SMARCB1: variants seen among roughly 807,000 people sequenced by gnomAD.
The protein encoded by SMARCB1 is SWI/SNF related BAF chromatin remodeling complex subunit B1.
SMARCB1 carries 5 observed loss-of-function variants against 49.0 expected under a neutral mutation model. The ratio of observed to expected loss-of-function variants is 0.10; its 90% CI spans 0.05 to 0.21. The LOEUF is 0.21. SMARCB1 is among the 10% of genes least tolerant of loss of function. SMARCB1 has a pLI of 1.00. For synonymous variants in SMARCB1, 201 were observed against 200.1 expected, an observed-to-expected ratio of 1.00 and a Z score of -0.04; for missense variants, 226 against 509.2, an observed-to-expected ratio of 0.44 and a Z score of 5.35.
intron 5 of SMARCB1, among the ~76,000 whole-genome samples, chr22:23,811,454 C>T (rs1929865619): frequency 1.3e-5 from 2 of 152,290 alleles, no homozygotes; most frequent in Admixed American, 6.5e-5. Context: ...TTTCAAGTGC[C>T]TGAGCAACAT....
At chr22:23,825,135 G>A in intron 6 of SMARCB1, 90 bp from the exon 7 acceptor site, 1 of 1,055,648 alleles carries the variant, frequency 9.5e-7, no homozygotes. Flanking sequence ...CTGGTGGGCA[G>A]GGCCCACCCC....
chr22:23,804,457 C>T (rs534990291), intron 5 of SMARCB1: 2 of 152,310 alleles, frequency 1.3e-5, no homozygotes, highest in South Asian at 4.1e-4. Context: ...CTGTCAATTC[C>T]ACATGCAAAC....
chr22:23,791,185 A>G (rs949011456), intron 1 of SMARCB1, among the ~76,000 whole-genome samples: 1 of 152,202 alleles, frequency 6.6e-6, no homozygotes, highest in Non-Finnish European at 1.5e-5. Context: ...TATTTGCTAC[A>G]AGCAAACTGA....
chr22:23,787,325 C>T, intron 1 of SMARCB1, 63 bp downstream of exon 1: 13 of 1,051,292 alleles, frequency 1.2e-5, no homozygotes, highest in South Asian at 5.3e-5. Flanking sequence ...GGGGCGGGCC[C>T]ATGCGCCGAG....
In SMARCB1 at chr22:23,836,737, A is replaced by G; in HGVS notation, c.*2557A>G. 7.3e-7 allele frequency: 1 copy of G among 1,369,638 alleles called. No homozygotes were observed. Among genetic ancestry groups the G allele is most frequent in the South Asian group, 2.0e-5 (1 of 51,036 alleles). 84.8% of individuals were successfully genotyped at this position (1,369,638 alleles called of 1,614,324 possible). ...CCAGTGCTGTGGGCCAAGAGACTGC[A>G]GCTCATTCTGTTTATTCAGGTGGGC... On this transcript the variant is annotated 3_prime_UTR_variant, in exon 9 of 9. Coordinates refer to ENST00000644036, the MANE Select transcript of SMARCB1 (RefSeq NM_003073.5).
intron 6 of SMARCB1, among the ~76,000 whole-genome samples, chr22:23,822,489 C>T (rs2030145089): frequency 6.6e-6 from 1 of 152,206 alleles, no homozygotes; most frequent in African/African-American, 2.4e-5. Context: ...GGCTCCCTTC[C>T]TCCCTCCCCG....
At chr22:23,788,852 C>T (rs1462469695) in intron 1 of SMARCB1, among the ~76,000 whole-genome samples, 1 of 151,746 alleles carries the variant, frequency 6.6e-6, no homozygotes, top group Non-Finnish European at 1.5e-5. Flanking sequence ...TAGCATTTTC[C>T]ACCATTTTTT....
At chr22:23,791,036 A>C (rs1399856661) in intron 1 of SMARCB1, among the ~76,000 whole-genome samples, 1 of 152,156 alleles carries the variant, frequency 6.6e-6, no homozygotes, top group South Asian at 2.1e-4. Flanking sequence ...TGGAGCCAGC[A>C]CCTGGCACCC....
intron 5 of SMARCB1, chr22:23,804,108 G>GA (rs1555877331): frequency 6.8e-6 from 1 of 148,096 alleles, no homozygotes; most frequent in Non-Finnish European, 1.5e-5. Context: ...TTGCATACCA[G>GA]TTTTTTTTTT....
chr22:23,801,365 C>T (rs1381751398), intron 4 of SMARCB1: 2 of 683,618 alleles, frequency 2.9e-6, no homozygotes, highest in Admixed American at 4.1e-5. Flanking sequence ...TCTCTGCCCT[C>T]AGTTTCACAT....
chr22:23,790,463 A>C (rs562753243), intron 1 of SMARCB1, among the ~76,000 whole-genome samples: 1 of 152,336 alleles, frequency 6.6e-6, no homozygotes, highest in African/African-American at 2.4e-5. Flanking sequence ...TGGGAGGCCC[A>C]GGCAGGAGAA....
intron 6 of SMARCB1, 133 bp downstream of exon 6, chr22:23,817,069 A>G: frequency 1.4e-6 from 1 of 737,018 alleles, no homozygotes; most frequent in Admixed American, 2.1e-5. Flanking sequence ...AAGTCATAAC[A>G]CCTGGCTTTG....
chr22:23,811,730 A>G (rs1026295539), intron 5 of SMARCB1, among the ~76,000 whole-genome samples: 1 of 152,246 alleles, frequency 6.6e-6, no homozygotes, highest in African/African-American at 2.4e-5. Context: ...CAGTGCGTAC[A>G]TTGGAAAACA....
intron 5 of SMARCB1, among the ~76,000 whole-genome samples, chr22:23,807,368 T>G (rs1851589667): frequency 6.6e-6 from 1 of 151,976 alleles, no homozygotes. Flanking sequence ...CAGATCACTT[T>G]ACCCCGGGAG....
chr22:23,797,086 C>T (rs556052428), intron 3 of SMARCB1, among the ~76,000 whole-genome samples: 17 of 149,140 alleles, frequency 1.1e-4, no homozygotes, highest in African/African-American at 4.0e-4. Flanking sequence ...CAGGCTCCGC[C>T]CCCTGGGGTT....
At chr22:23,807,079 A>C (rs1326252552) in intron 5 of SMARCB1, among the ~76,000 whole-genome samples, 1 of 152,160 alleles carries the variant, frequency 6.6e-6, no homozygotes, top group African/African-American at 2.4e-5. Context: ...CTGCTGAGGG[A>C]GGGAAGTATT....
At chr22:23,813,933 G>A (rs1254277398) in intron 5 of SMARCB1, among the ~76,000 whole-genome samples, 6 of 152,064 alleles carry the variant, frequency 3.9e-5, no homozygotes, top group African/African-American at 7.2e-5. Flanking sequence ...GGTTTCAAGC[G>A]TTTCTCCTGC....
chr22:23,827,594 G>C (rs1185351377), intron 7 of SMARCB1, among the ~76,000 whole-genome samples: 1 of 152,216 alleles, frequency 6.6e-6, no homozygotes, highest in African/African-American at 2.4e-5. Context: ...GAGAATGCAG[G>C]TTTCAAATCT....
intron 5 of SMARCB1, among the ~76,000 whole-genome samples, chr22:23,813,497 G>A (rs1930002215): frequency 1.3e-5 from 2 of 152,236 alleles, no homozygotes; most frequent in South Asian, 2.1e-4. Context: ...CCATTAATGA[G>A]TACCTAGACA....
Sources: gnomAD v4.1 joint callset for allele counts (sites outside exome capture counted in the v4.1 genomes callset) on GRCh38, gnomAD v4.1.1 for gene constraint, MANE v1.5 for transcripts, NCBI Gene and HGNC (gene_info 2026-07-23, HGNC 2026-07-21) for gene names.